Variants in CACNB2 observed in about 807,000 individuals in gnomAD.
CACNB2 encodes calcium voltage-gated channel auxiliary subunit beta 2.
Under a neutral mutation model 73.3 loss-of-function variants are expected in CACNB2, and 42 were observed. The ratio of observed to expected loss-of-function variants is 0.57; its 90% CI spans 0.45 to 0.74. CACNB2 has a LOEUF of 0.74. Ranked by LOEUF, CACNB2 falls within the 30% of genes least tolerant of loss-of-function variation. CACNB2 has a pLI of 0.00. For missense variants in CACNB2, 940 were observed against 853.0 expected, an observed-to-expected ratio of 1.10 and a Z score of -1.27; for synonymous variants, 348 against 310.3, an observed-to-expected ratio of 1.12 and a Z score of -1.28.
rs2034926387 is a variant in CACNB2, at chr10:18,202,535, C to T, written c.213+51560C>T. Among the ~76,000 whole-genome samples the T allele has an allele frequency of 2.0e-5, 3 of 152,256 alleles. No homozygotes were observed. The South Asian group carries it at 6.2e-4, about 32-fold the overall frequency. ...TTAACTCCTTTAAAAACTTCACATT[C>T]TCATCTGTAAAGCAAGGATAATAAT... On this transcript the variant is annotated intron_variant, in intron 2 of 13. Transcript: ENST00000324631.
intron 2 of CACNB2, among the ~76,000 whole-genome samples, chr10:18,269,085 G>A (rs1419363015): frequency 2.0e-5 from 3 of 152,170 alleles, no homozygotes; most frequent in South Asian, 2.1e-4. Flanking sequence ...CCTGTTTCAC[G>A]AAGGGTGATC....
intron 2 of CACNB2, among the ~76,000 whole-genome samples, chr10:18,332,208 C>T (rs548400895): frequency 8.8e-4 from 134 of 152,268 alleles, no homozygotes; most frequent in South Asian, 3.3e-3. Context: ...ACCTCTTTGG[C>T]TGCTCTATGG....
chr10:18,503,330 C>T (rs1046348201), intron 5 of CACNB2, among the ~76,000 whole-genome samples: 2 of 152,150 alleles, frequency 1.3e-5, no homozygotes, highest in East Asian at 3.9e-4. Flanking sequence ...AGCACGGTGG[C>T]TCATGCCTGT....
At chr10:18,527,466 T>C in intron 9 of CACNB2, 122 bp from the exon 10 acceptor site, 2 of 721,574 alleles carry the variant, frequency 2.8e-6, no homozygotes, top group South Asian at 3.0e-5. Flanking sequence ...TCCTAACACA[T>C]ATGGTTTGAA....
chr10:18,536,189 G>A lies in CACNB2; in HGVS notation c.1295G>A (p.Cys432Tyr). Reference sequence around the variant, plus strand: ...GTAGCAGCTGATAAACTGGCTCAGTGTCCTCCAGTAAGTTATCTCTATATA... The same window carrying A: ...GTAGCAGCTGATAAACTGGCTCAGTATCCTCCAGTAAGTTATCTCTATATA... ...QMVAADKLAQCPPELFDVILD... is the reference protein window; with the variant it reads ...QMVAADKLAQYPPELFDVILD... The change falls in exon 12 of 14, where the codon TGT becomes TAT. Residue 432 changes from cysteine (C) to tyrosine (Y), a missense_variant. Physicochemically the swap from Cys to Tyr is radical, Grantham distance 194. Transcript: ENST00000324631. 1 of 1,526,196 alleles carries A rather than the reference G, an allele frequency of 6.6e-7. No homozygotes were observed. The highest frequency in any genetic ancestry group is 8.9e-7 in the Non-Finnish European group (1 of 1,119,654). 94.5% of individuals were successfully genotyped at this position (1,526,196 alleles called of 1,614,324 possible).
chr10:18,396,725 C>T (rs2043731679), intron 2 of CACNB2, among the ~76,000 whole-genome samples: 1 of 152,254 alleles, frequency 6.6e-6, no homozygotes, highest in Non-Finnish European at 1.5e-5. Flanking sequence ...CCCACCTCGG[C>T]TTCCCAAAGT....
chr10:18,530,980 T>TA (rs1384242222), intron 10 of CACNB2, among the ~76,000 whole-genome samples: 1 of 152,196 alleles, frequency 6.6e-6, no homozygotes, highest in Non-Finnish European at 1.5e-5. Flanking sequence ...GAAAGGTAGT[T>TA]AGAGAAGGCT....
chr10:18,522,112 A>T (rs571863977), intron 9 of CACNB2, among the ~76,000 whole-genome samples: 44 of 152,116 alleles, frequency 2.9e-4, no homozygotes, highest in African/African-American at 8.7e-4. Context: ...CATGCGAGGG[A>T]TCTAGGTTAC....
intron 2 of CACNB2, among the ~76,000 whole-genome samples, chr10:18,314,719 G>A (rs765172001): frequency 2.0e-4 from 30 of 151,404 alleles, no homozygotes; most frequent in Non-Finnish European, 4.1e-4. Flanking sequence ...AGTACCCACT[G>A]TAACAAATAC....
intron 2 of CACNB2, chr10:18,260,781 A>C (rs1446278696): frequency 4.9e-6 from 5 of 1,010,454 alleles, no homozygotes; most frequent in Non-Finnish European, 5.9e-6. Flanking sequence ...GCAGCGTGCT[A>C]AGAAGCAGTC....
chr10:18,436,539 G>C (rs1195903922), intron 3 of CACNB2, among the ~76,000 whole-genome samples: 1 of 152,156 alleles, frequency 6.6e-6, no homozygotes, highest in East Asian at 1.9e-4. Context: ...CCCTTGAGAA[G>C]GTATGCGTGG....
At chr10:18,497,784 G>A (rs2049926199) in intron 3 of CACNB2, among the ~76,000 whole-genome samples, 1 of 152,142 alleles carries the variant, frequency 6.6e-6, no homozygotes, top group Admixed American at 6.6e-5. Context: ...AATATCTTTA[G>A]TAGCTGAACA....
At chr10:18,436,194 T>G (rs1281233065) in intron 3 of CACNB2, among the ~76,000 whole-genome samples, 1 of 152,190 alleles carries the variant, frequency 6.6e-6, no homozygotes, top group African/African-American at 2.4e-5. Context: ...GATTTAAAAT[T>G]TATGGTCATT....
chr10:18,259,730 CAGAAAA>C (rs2037450027), intron 2 of CACNB2, among the ~76,000 whole-genome samples: 1 of 112,550 alleles, frequency 8.9e-6, no homozygotes. Context: ...GACTCTGTCT[CAGAAAA>C]AAAAAAAAAA....
intron 3 of CACNB2, among the ~76,000 whole-genome samples, chr10:18,453,087 C>G (rs2047091588): frequency 6.6e-6 from 1 of 152,190 alleles, no homozygotes; most frequent in Non-Finnish European, 1.5e-5. Context: ...TCCATCTCTG[C>G]TGCTACCTCA....
chr10:18,377,635 T>C (rs1397537662), intron 2 of CACNB2, among the ~76,000 whole-genome samples: 2 of 152,370 alleles, frequency 1.3e-5, no homozygotes, highest in African/African-American at 4.8e-5. Flanking sequence ...ACATCATTCT[T>C]AGCTCAAGAA....
At chr10:18,340,581 A>T in intron 2 of CACNB2, 1 of 698,786 alleles carries the variant, frequency 1.4e-6, no homozygotes, top group African/African-American at 1.8e-5. Context: ...ATCTGATACT[A>T]ATGAAGTGTT....
intron 2 of CACNB2, among the ~76,000 whole-genome samples, chr10:18,180,302 C>G (rs1485080696): frequency 2.0e-5 from 3 of 152,172 alleles, no homozygotes; most frequent in African/African-American, 7.2e-5. Context: ...ATGGGGCCAT[C>G]TTCCCAGATG....
chr10:18,323,019 G>A (rs1461646974), intron 2 of CACNB2, among the ~76,000 whole-genome samples: 2 of 138,576 alleles, frequency 1.4e-5, no homozygotes, highest in Non-Finnish European at 3.0e-5. Context: ...CTGGAGTACA[G>A]TGGCATGATC....
Sources: gnomAD v4.1 joint callset for allele counts (sites outside exome capture counted in the v4.1 genomes callset) on GRCh38, gnomAD v4.1.1 for gene constraint, MANE v1.5 for transcripts, NCBI Gene and HGNC (gene_info 2026-07-23, HGNC 2026-07-21) for gene names.